Variants in ANKRD50 observed in about 807,000 individuals in gnomAD.
ANKRD50 encodes the protein ankyrin repeat domain-containing protein 50.
A neutral mutation model predicts 112.0 loss-of-function variants in ANKRD50; 40 were observed. The observed-to-expected ratio is 0.36, with a 90% CI of 0.28 to 0.46. ANKRD50 has a LOEUF of 0.46. Ranked by LOEUF, ANKRD50 falls within the 20% of genes least tolerant of loss-of-function variation. ANKRD50 has a pLI of 1.00. For missense variants in ANKRD50, 1,487 were observed against 1,701.7 expected (o/e 0.87, Z 2.22); for synonymous variants, 613 against 619.1 (o/e 0.99, Z 0.15).
chr4:124,705,351 A>G (rs1298993688), intron 2 of ANKRD50, among the ~76,000 whole-genome samples: 1 of 152,196 alleles, frequency 6.6e-6, no homozygotes, highest in African/African-American at 2.4e-5. Flanking sequence ...AGAGTTATTC[A>G]TCTTTAATTC....
chr4:124,673,803 A>G lies in ANKRD50; in HGVS notation c.743-1269T>C, dbSNP rs555268091. Among the ~76,000 whole-genome samples the G allele has an allele frequency of 2.0e-5, 3 of 152,250 alleles. No homozygotes were observed. In the South Asian group the frequency reaches 6.2e-4, roughly 32 times the overall value. Reference sequence around the variant, plus strand: ...TTGAAAAATTAAAAACAACCTACCAAGAATAAAATATGAATAACAGTTGTA... The same window carrying G: ...TTGAAAAATTAAAAACAACCTACCAGGAATAAAATATGAATAACAGTTGTA... On this transcript the variant is annotated intron_variant, in intron 3 of 4. Transcript: ENST00000504087.
chr4:124,688,334 T>C (rs1725052448), intron 2 of ANKRD50, among the ~76,000 whole-genome samples: 1 of 152,086 alleles, frequency 6.6e-6, no homozygotes, highest in Non-Finnish European at 1.5e-5. Context: ...GGAATAAAAT[T>C]TACATCAGTG....
chr4:124,665,967 A>C lies in ANKRD50; in HGVS notation c.*1551T>G, dbSNP rs757334973. On this transcript the variant is annotated 3_prime_UTR_variant, in exon 5 of 5. Coordinates refer to ENST00000504087, the MANE Select transcript of ANKRD50 (RefSeq NM_020337.3). The stretch of plus-strand genomic sequence containing the variant: ...GATGACATTACTGACCTTTGTTATT[A>C]GGACATATTCTAAAGATTTTGTTCT... The C allele has an allele frequency of 1.5e-4, 23 of 152,018 alleles. No individual in the cohort carries two copies. The highest frequency in any genetic ancestry group is 2.8e-4 in the Non-Finnish European group (19 of 67,914). 9.4% of individuals were successfully genotyped at this position (152,018 alleles called of 1,614,324 possible).
chr4:124,670,934 G>A lies in ANKRD50; in HGVS notation c.2343C>T (p.Gly781=). 1.9e-6 allele frequency: 3 copies of A among 1,613,796 alleles called. No individual in the cohort carries two copies. Among genetic ancestry groups the A allele is most frequent in the African/African-American group, 1.3e-5 (1 of 74,990 alleles). Reference sequence around the variant, plus strand: ...ACGCTGCTGCTAAGAGGGGTGTACGGCCATTGTTATCTGTGTGATCTACAT... The same window carrying A: ...ACGCTGCTGCTAAGAGGGGTGTACGACCATTGTTATCTGTGTGATCTACAT... ...GADVDHTDNN[G]RTPLLAAASM... Residue 781 remains glycine (G), a synonymous_variant, in exon 4 of 5, where the codon GGC becomes GGT. Coordinates refer to ENST00000504087, the MANE Select transcript of ANKRD50 (RefSeq NM_020337.3).
rs747222819 is a variant in ANKRD50 at position 124,669,138 on chromosome 4, G to A, written c.4139C>T (p.Ser1380Leu). 6.8e-6 allele frequency: 11 copies of A among 1,613,526 alleles called. No individual in the cohort carries two copies. The Admixed American group carries it at 1.7e-4, about 24-fold the overall frequency. ...QSNQVFLGRV[S>L]VPRTMQDRGH... ...TCTATCTTGCATTGTTCGTGGGACTGAAACCCTACCAAGAAAAACCTGGTT... is the reference window on the plus strand; with the variant it reads ...TCTATCTTGCATTGTTCGTGGGACTAAAACCCTACCAAGAAAAACCTGGTT... Residue 1380 changes from serine to leucine, a missense_variant, in exon 4 of 5, where the codon TCA (serine) becomes TTA (leucine). Transcript: ENST00000504087.
intron 2 of ANKRD50, among the ~76,000 whole-genome samples, chr4:124,693,016 A>T (rs1235271747): frequency 6.6e-6 from 1 of 152,196 alleles, no homozygotes; most frequent in African/African-American, 2.4e-5. Flanking sequence ...CAGCTTGCTA[A>T]GTGAGACAAG....
intron 1 of ANKRD50, among the ~76,000 whole-genome samples, chr4:124,711,552 CTT>C (rs1259983563): frequency 6.6e-6 from 1 of 152,052 alleles, no homozygotes; most frequent in Non-Finnish European, 1.5e-5. Flanking sequence ...GGGGGAGAAA[CTT>C]TACGCACATA....
At chr4:124,706,394 T>C (rs1486103086) in intron 2 of ANKRD50, among the ~76,000 whole-genome samples, 1 of 152,128 alleles carries the variant, frequency 6.6e-6, no homozygotes, top group Non-Finnish European at 1.5e-5. Context: ...TAGATTAAGA[T>C]GAAGTTCCTT....
At chr4:124,685,949 T>C (rs1455663868) in intron 2 of ANKRD50, among the ~76,000 whole-genome samples, 2 of 152,142 alleles carry the variant, frequency 1.3e-5, no homozygotes, top group African/African-American at 2.4e-5. Flanking sequence ...TAGATATACA[T>C]TGAGGAAGGC....
rs754611161 is a variant in ANKRD50, at chr4:124,670,244, T to C, written c.3033A>G (p.Glu1011=). The C allele has an allele frequency of 3.7e-6, 6 of 1,613,884 alleles. No homozygotes were observed. Among genetic ancestry groups the C allele is most frequent in the Middle Eastern group, 1.7e-4 (1 of 6,056 alleles). Residue 1011 remains glutamate, a synonymous_variant, in exon 4 of 5, where the codon GAA becomes GAG. Coordinates refer to ENST00000504087, the MANE Select transcript of ANKRD50 (RefSeq NM_020337.3). ...YHADVNAADN[E]KRSALQSAAW... Reference sequence around the variant, plus strand: ...CTGCAGACTGCAAAGCAGAGCGCTTTTCATTGTCTGCAGCATTGACGTCAG... The same window carrying C: ...CTGCAGACTGCAAAGCAGAGCGCTTCTCATTGTCTGCAGCATTGACGTCAG...
chr4:124,712,245 G>C (rs1369367140), intron 1 of ANKRD50, among the ~76,000 whole-genome samples: 3 of 152,092 alleles, frequency 2.0e-5, no homozygotes, highest in Admixed American at 6.5e-5. Flanking sequence ...ACGAGGGGTC[G>C]CCTCCCGGTC....
At chr4:124,685,707 T>C (rs1724990403) in intron 2 of ANKRD50, among the ~76,000 whole-genome samples, 1 of 152,174 alleles carries the variant, frequency 6.6e-6, no homozygotes, top group Non-Finnish European at 1.5e-5. Flanking sequence ...CTAAATGTCT[T>C]ACATTTCTTA....
At chr4:124,687,002 A>G (rs755260450) in intron 2 of ANKRD50, among the ~76,000 whole-genome samples, 7 of 152,196 alleles carry the variant, frequency 4.6e-5, no homozygotes, top group South Asian at 2.1e-4. Flanking sequence ...GTTGTTTGAC[A>G]TACGGTATGT....
intron 2 of ANKRD50, among the ~76,000 whole-genome samples, chr4:124,697,611 C>T (rs1465593441): frequency 1.3e-5 from 2 of 152,128 alleles, no homozygotes; most frequent in Non-Finnish European, 2.9e-5. Context: ...CCAAGGCCCT[C>T]ATCAGAAGCC....
chr4:124,685,003 T>C (rs1473189403), intron 2 of ANKRD50, among the ~76,000 whole-genome samples: 1 of 152,212 alleles, frequency 6.6e-6, no homozygotes, highest in Non-Finnish European at 1.5e-5. Flanking sequence ...GTTTTACTCC[T>C]GAAAGAAGCC....
Position 124,670,529 on chromosome 4 carries a change from T to A in ANKRD50, c.2748A>T (p.Ala916=). 2 of 1,613,426 alleles carry A rather than the reference T, an allele frequency of 1.2e-6. No individual in the cohort carries two copies. The highest frequency in any genetic ancestry group is 1.7e-6 in the Non-Finnish European group (2 of 1,179,794). ...GCCCTTCTAATGCAGCAACCCGCAG[T>A]GCATTTCTTCCATCATAACCTCTTT... is the stretch of plus-strand genomic sequence containing the variant. ...IDQRGYDGRN[A]LRVAALEGHR... Residue 916 remains alanine (A), a synonymous_variant, in exon 4 of 5, where the codon GCA becomes GCT. Transcript: ENST00000504087.
chr4:124,709,435 G>T (rs776065297), intron 2 of ANKRD50, among the ~76,000 whole-genome samples: 2 of 151,936 alleles, frequency 1.3e-5, no homozygotes, highest in Non-Finnish European at 2.9e-5. Flanking sequence ...GATCCCAAAT[G>T]TTCGCTATTT....
chr4:124,692,033 T>G (rs1473572902), intron 2 of ANKRD50, among the ~76,000 whole-genome samples: 1 of 152,180 alleles, frequency 6.6e-6, no homozygotes, highest in Non-Finnish European at 1.5e-5. Context: ...CACAGTTTAT[T>G]TGTGTTCCCA....
At chr4:124,704,382 G>T in intron 2 of ANKRD50, among the ~76,000 whole-genome samples, 1 of 152,106 alleles carries the variant, frequency 6.6e-6, no homozygotes, top group South Asian at 2.1e-4. Flanking sequence ...TCTGTTCTTC[G>T]CCTCTTTGTT....
Sources: allele counts gnomAD v4.1 joint callset (sites outside exome capture counted in the v4.1 genomes callset), GRCh38; gene constraint gnomAD v4.1.1; transcripts MANE v1.5; gene names NCBI Gene and HGNC (gene_info 2026-07-23, HGNC 2026-07-21).